TPH1: variants seen among roughly 807,000 people sequenced by gnomAD.
TPH1 encodes the protein tryptophan 5-hydroxylase 1.
A neutral mutation model predicts 49.5 loss-of-function variants in TPH1; 37 were observed. The observed-to-expected ratio is 0.75, with a 90% CI of 0.58 to 0.98. The LOEUF (loss-of-function observed/expected upper bound fraction) is 0.98, where lower values mean the gene tolerates loss of function less well. Among genes scored for constraint, TPH1 ranks in the 50% least tolerant of loss-of-function variants. The pLI is 0.00. For synonymous variants in TPH1, 160 were observed against 182.1 expected, an observed-to-expected ratio of 0.88 and a Z score of 0.98; for missense variants, 487 against 523.6, an observed-to-expected ratio of 0.93 and a Z score of 0.68.
intron 8 of TPH1, among the ~76,000 whole-genome samples, chr11:18,024,738 A>T (rs750143223): frequency 7.9e-5 from 12 of 152,148 alleles, no homozygotes; most frequent in Non-Finnish European, 1.8e-4. Context: ...GACCCCATAA[A>T]AGAGTCTCAG....
rs796603670 is a variant in TPH1, at chr11:18,019,927, T to C, written c.*1064A>G. 8.7e-5 allele frequency: 31 copies of C among 356,252 alleles called. No individual in the cohort carries two copies. The highest frequency in any genetic ancestry group is 1.9e-4 in the South Asian group (9 of 46,496). 22.1% of individuals were successfully genotyped at this position (356,252 alleles called of 1,614,324 possible). A position where few individuals can be genotyped will look rare whatever the true frequency, so the allele number is the denominator to read the frequency against. The stretch of plus-strand genomic sequence containing the variant: ...CCACTCTTCTTGACCTTTCTGACAT[T>C]CTATTTCCTCCCCTTTTCTGCAGCC... On this transcript the variant is annotated 3_prime_UTR_variant, in exon 11 of 11. Transcript: ENST00000682019.
chr11:18,023,030 A>C (rs547652088), intron 9 of TPH1, 99 bp from the exon 10 acceptor site: 1 of 1,274,282 alleles, frequency 7.8e-7, no homozygotes, highest in African/African-American at 1.5e-5. Context: ...TTACTAATGC[A>C]ATGGCCCCAA....
At chr11:18,025,497 T>G in intron 8 of TPH1, 78 bp downstream of exon 8, 2 of 1,599,064 alleles carry the variant, frequency 1.3e-6, no homozygotes, top group Non-Finnish European at 1.7e-6. Context: ...ATGGTCATTC[T>G]GAATATGTAC....
chr11:18,044,401 G>A (rs971016691), intron 1 of TPH1, among the ~76,000 whole-genome samples: 1 of 152,100 alleles, frequency 6.6e-6, no homozygotes, highest in Non-Finnish European at 1.5e-5. Context: ...CAGCCCAGGT[G>A]ACAGAGCAAG....
rs753747942 is a variant in TPH1 at position 18,029,354 on chromosome 11, G to C, written c.478C>G (p.Pro160Ala). 3.1e-6 allele frequency: 5 copies of C among 1,613,464 alleles called. No homozygotes were observed. In the Admixed American group the frequency reaches 8.3e-5, roughly 27 times the overall value. Residue 160 changes from proline to alanine, a missense_variant, in exon 6 of 11, where the codon CCC becomes GCC. Physicochemically the swap from Pro to Ala is conservative, Grantham distance 27. Transcript: ENST00000682019. ...DLAMNYKHGD[P>A]IPKVEFTEEE... ...TCAGTGAATTCAACCTTTGGAATGG[G>C]GTCTCCACTAATGAGATAAAGGGAA...
intron 8 of TPH1, among the ~76,000 whole-genome samples, chr11:18,024,195 C>T (rs1854395444): frequency 1.3e-5 from 2 of 152,156 alleles, no homozygotes; most frequent in East Asian, 1.9e-4. Flanking sequence ...ATTAGAGGAC[C>T]CCAAAGCTTT....
At chr11:18,028,587 A>C (rs77037717) in intron 6 of TPH1, among the ~76,000 whole-genome samples, 5,351 of 152,288 alleles carry the variant, frequency 0.035, 317 homozygotes, top group African/African-American at 0.12. Flanking sequence ...ACACCCTAAG[A>C]GTTCTTCAAA....
intron 1 of TPH1, chr11:18,041,200 A>C: frequency 6.1e-6 from 1 of 163,096 alleles, no homozygotes; most frequent in Non-Finnish European, 1.3e-5. Context: ...AACATATCTC[A>C]CCTTCTAACA....
chr11:18,025,554 T>G (rs766906923), intron 8 of TPH1, 21 bp downstream of exon 8: 1 of 1,613,564 alleles, frequency 6.2e-7, no homozygotes, highest in African/African-American at 1.3e-5. Flanking sequence ...GGTGAAAATA[T>G]AGCTAATTCC....
At chr11:18,040,818 A>G (rs756848393) in intron 1 of TPH1, 30 bp from the exon 2 acceptor site, 1 of 1,589,768 alleles carries the variant, frequency 6.3e-7, no homozygotes, top group Non-Finnish European at 8.6e-7. Flanking sequence ...ACTACGGGCT[A>G]AAAAAGAAGT....
chr11:18,023,083 C>T lies in TPH1; in HGVS notation c.1027-152G>A, dbSNP rs559415004. The T allele has an allele frequency of 6.0e-5, 47 of 780,338 alleles. 1 individual carries two copies. The East Asian group carries it at 9.7e-4, about 16-fold the overall frequency. The allele number at this position is 780,338 out of a possible 1,614,324, so 48.3% of individuals were successfully genotyped here. A position where few individuals can be genotyped will look rare whatever the true frequency, so the allele number is the denominator to read the frequency against. Reference sequence around the variant, plus strand: ...ATTTCCTATAGCTCTATTCAACCCACAGTACACTCCAGCAAAAAAAATGGC... The same window carrying T: ...ATTTCCTATAGCTCTATTCAACCCATAGTACACTCCAGCAAAAAAAATGGC... On this transcript the variant is annotated intron_variant, in intron 9 of 10. Coordinates refer to ENST00000682019, the MANE Select transcript of TPH1 (RefSeq NM_004179.3).
intron 4 of TPH1, among the ~76,000 whole-genome samples, chr11:18,031,227 T>C (rs1484776945): frequency 6.6e-6 from 1 of 152,212 alleles, no homozygotes; most frequent in Non-Finnish European, 1.5e-5. Flanking sequence ...ATATGGGACC[T>C]TTTGTCACTA....
At chr11:18,032,846 C>T (rs1317680092) in intron 4 of TPH1, among the ~76,000 whole-genome samples, 6 of 151,948 alleles carry the variant, frequency 3.9e-5, no homozygotes, top group Admixed American at 6.6e-5. Context: ...GCACCCGGCC[C>T]GCTTGTTGAA....
chr11:18,036,322 A>G (rs1848048037), intron 2 of TPH1, among the ~76,000 whole-genome samples, 180 bp from the exon 3 acceptor site: 2 of 152,226 alleles, frequency 1.3e-5, no homozygotes, highest in African/African-American at 4.8e-5. Context: ...TATGTATTAG[A>G]AAACTTTTCA....
intron 6 of TPH1, among the ~76,000 whole-genome samples, chr11:18,028,688 G>C (rs1227783486): frequency 6.6e-6 from 1 of 152,126 alleles, no homozygotes; most frequent in Non-Finnish European, 1.5e-5. Context: ...TCAATGTGGT[G>C]CCCAATCCTG....
Position 18,029,230 on chromosome 11 carries a change from G to T in TPH1, c.602C>A (p.Ser201Tyr). The stretch of plus-strand genomic sequence containing the variant: ...ATCCTCCCGATATCCACAATATTTA[G>T]AAAGCAAAGGTAAGTTTTTGAGATA... ...REYLKNLPLL[S>Y]KYCGYREDNI... The change falls in exon 6 of 11, where the codon TCT becomes TAT. Residue 201 changes from serine (S) to tyrosine (Y), a missense_variant. Ser to Tyr is a moderately radical substitution (Grantham distance 144). Coordinates refer to ENST00000682019, the MANE Select transcript of TPH1 (RefSeq NM_004179.3). 6.2e-7 allele frequency: 1 copy of T among 1,613,946 alleles called. No homozygotes were observed. Among genetic ancestry groups the T allele is most frequent in the Non-Finnish European group, 8.5e-7 (1 of 1,179,978 alleles).
rs553097141 is a variant in TPH1, at chr11:18,032,215, C to T, written c.402+1059G>A. 2.0e-5 allele frequency among the ~76,000 whole-genome samples: 3 copies of T among 152,174 alleles called. No individual in the cohort carries two copies. In the South Asian group the frequency reaches 6.2e-4, roughly 31 times the overall value. On this transcript the variant is annotated intron_variant, in intron 4 of 10. Coordinates refer to ENST00000682019, the MANE Select transcript of TPH1 (RefSeq NM_004179.3). ...TGCTCTAGATTTACTAATTCTCCAA[C>T]TCTTGCCTGTACTGTACAATTTTCT...
chr11:18,029,325 CT>C lies in TPH1; in HGVS notation c.506del (p.Glu169GlyfsTer53). The C allele has an allele frequency of 6.2e-7, 1 of 1,614,024 alleles. No homozygotes were observed. ...DPIPKVEFTE[E>X]EIKTWGTVFQ... is the part of the protein sequence containing the mutation. ...ATACGGTTCCCCAGGTCTTAATCTC[CT>C]CTTCAGTGAATTCAACCTTTGGAAT... On this transcript the variant is annotated frameshift_variant, in exon 6 of 11. Coordinates refer to ENST00000682019, the MANE Select transcript of TPH1 (RefSeq NM_004179.3). LOFTEE classifies it high-confidence loss of function.
rs753628735 is a variant in TPH1 at position 18,021,070 on chromosome 11, C to G, written c.1256G>C (p.Ser419Thr). 7.4e-6 allele frequency: 12 copies of G among 1,613,976 alleles called. No homozygotes were observed. The highest frequency in any genetic ancestry group is 1.3e-5 in the African/African-American group (1 of 74,898). ...ATCATGCTGCAGCTCATTCATGGCA[C>G]TGGTTATGCTCTTGGTGTCTTTCAG... ...QILKDTKSIT[S>T]AMNELQHDLD... The change falls in exon 11 of 11, where the codon AGT (serine) becomes ACT (threonine). Residue 419 changes from serine (S) to threonine (T), a missense_variant. Coordinates refer to ENST00000682019, the MANE Select transcript of TPH1 (RefSeq NM_004179.3).
Sources: allele counts gnomAD v4.1 joint callset (sites outside exome capture counted in the v4.1 genomes callset), GRCh38; gene constraint gnomAD v4.1.1; transcripts MANE v1.5; gene names NCBI Gene and HGNC (gene_info 2026-07-23, HGNC 2026-07-21).